The following SSBP3 variants were observed in gnomAD, a reference collection of about 807,000 sequenced individuals.
SSBP3 encodes single-stranded DNA-binding protein 3.
Under a neutral mutation model 69.6 loss-of-function variants are expected in SSBP3, and 5 were observed. The ratio of observed to expected loss-of-function variants is 0.07; its 90% CI spans 0.04 to 0.15. The LOEUF (loss-of-function observed/expected upper bound fraction) is 0.15, where lower values mean the gene tolerates loss of function less well. Among genes scored for constraint, SSBP3 ranks in the 10% least tolerant of loss-of-function variants. The probability of loss-of-function intolerance (pLI) is 1.00; values close to 1 mark genes in which losing one functional copy is unlikely to be tolerated. For synonymous variants in SSBP3, 196 were observed against 193.4 expected (o/e 1.01, Z -0.11); for missense variants, 312 against 534.0 (o/e 0.58, Z 4.10).
chr1:54,295,964 T>C (rs192077201), intron 4 of SSBP3, among the ~76,000 whole-genome samples: 1 of 152,366 alleles, frequency 6.6e-6, no homozygotes, highest in East Asian at 1.9e-4. Flanking sequence ...TAGACAAAGG[T>C]TATCTCCCTG....
chr1:54,230,175 C>T (rs1414240916), intron 14 of SSBP3, among the ~76,000 whole-genome samples: 1 of 152,148 alleles, frequency 6.6e-6, no homozygotes, highest in African/African-American at 2.4e-5. Context: ...GCTGCTTCCC[C>T]GTGCCCACCC....
chr1:54,273,704 C>T (rs995278078), intron 5 of SSBP3, among the ~76,000 whole-genome samples: 2 of 152,228 alleles, frequency 1.3e-5, no homozygotes, highest in African/African-American at 2.4e-5. Flanking sequence ...GACAGAGGAG[C>T]AAGCTAAGGC....
chr1:54,306,164 TC>T (rs1557515682), intron 4 of SSBP3, among the ~76,000 whole-genome samples: 1 of 151,546 alleles, frequency 6.6e-6, no homozygotes, highest in Non-Finnish European at 1.5e-5. Context: ...CTATCCCCTA[TC>T]CCCCAGGATC....
At chr1:54,331,145 G>A (rs1421606818) in intron 4 of SSBP3, among the ~76,000 whole-genome samples, 1 of 152,110 alleles carries the variant, frequency 6.6e-6, no homozygotes. Context: ...AATAACCTCC[G>A]CATGTAACGT....
chr1:54,375,023 T>C (rs993521593), intron 4 of SSBP3, among the ~76,000 whole-genome samples: 2 of 152,082 alleles, frequency 1.3e-5, no homozygotes, highest in Non-Finnish European at 2.9e-5. Flanking sequence ...AACCTTATCC[T>C]GGGGCAAGCC....
At chr1:54,345,368 C>A (rs1019319964) in intron 4 of SSBP3, among the ~76,000 whole-genome samples, 5 of 152,080 alleles carry the variant, frequency 3.3e-5, no homozygotes, top group South Asian at 2.1e-4. Context: ...CACCAAGAGC[C>A]GCACTCTAAA....
chr1:54,317,020 T>C (rs1646126866), intron 4 of SSBP3, among the ~76,000 whole-genome samples: 1 of 152,162 alleles, frequency 6.6e-6, no homozygotes, highest in Non-Finnish European at 1.5e-5. Context: ...CTTTCACTAC[T>C]ATCACACTGA....
At chr1:54,257,389 C>T in intron 6 of SSBP3, 1 of 518,898 alleles carries the variant, frequency 1.9e-6, no homozygotes. Context: ...TGTCTCTTGA[C>T]TCCACATTTG....
At chr1:54,365,851 G>A (rs547923597) in intron 4 of SSBP3, among the ~76,000 whole-genome samples, 1 of 152,326 alleles carries the variant, frequency 6.6e-6, no homozygotes, top group South Asian at 2.1e-4. Flanking sequence ...ACTGACTCTA[G>A]AAGAACTAGT....
intron 4 of SSBP3, among the ~76,000 whole-genome samples, chr1:54,390,420 G>A (rs1322649953): frequency 1.3e-5 from 2 of 151,998 alleles, no homozygotes; most frequent in Non-Finnish European, 2.9e-5. Flanking sequence ...TGAAGAAGAC[G>A]CTGCCAGCAA....
chr1:54,392,299 T>C (rs1256750047), intron 4 of SSBP3, among the ~76,000 whole-genome samples: 3 of 152,216 alleles, frequency 2.0e-5, no homozygotes, highest in African/African-American at 7.2e-5. Context: ...GGCTCAGCAA[T>C]TGCTTGTCTC....
chr1:54,235,448 A>ATTTTTTTTTTTTTTTTTT lies in SSBP3; in HGVS notation c.927+3663_927+3680dup, dbSNP rs71580002. Among the ~76,000 whole-genome samples the ATTTTTTTTTTTTTTTTTT allele has an allele frequency of 2.1e-4, 15 of 69,922 alleles. 1 individual carries two copies. The highest frequency in any genetic ancestry group is 6.6e-4 in the African/African-American group (10 of 15,244). 45.9% of individuals were successfully genotyped at this position (69,922 alleles called of 152,430 possible). A position where few individuals can be genotyped will look rare whatever the true frequency, so the allele number is the denominator to read the frequency against. On this transcript the variant is annotated intron_variant, in intron 14 of 17. Coordinates refer to ENST00000610401, the Ensembl canonical transcript of SSBP3. Reference sequence around the variant, plus strand: ...AGGCGTGTACCACCATGCCCGGCTGATTTTTTTTTTTTTTTTTTTTTTTTT... The same window carrying ATTTTTTTTTTTTTTTTTT: ...AGGCGTGTACCACCATGCCCGGCTGATTTTTTTTTTTTTTTTTTTTTTTTTTTTTTTTTTTTTTTTTTT...
rs1198705601 is a variant in SSBP3 at position 54,373,783 on chromosome 1, A to C, written c.276+28078T>G. 3.3e-5 allele frequency among the ~76,000 whole-genome samples: 5 copies of C among 150,966 alleles called. No individual in the cohort carries two copies. In the Admixed American group the frequency reaches 3.3e-4, roughly 10 times the overall value. On this transcript the variant is annotated intron_variant, in intron 4 of 17. Transcript: ENST00000610401. ...CCCTGTTTCAAGAAAAAAAAAAAAA[A>C]AAACAGGAATGCCTCTCGGCACACC...
rs75834772 is a variant in SSBP3 at position 54,377,517 on chromosome 1, G to C, written c.276+24344C>G. Among the ~76,000 whole-genome samples, 152 of 152,320 alleles carry C rather than the reference G, an allele frequency of 1.0e-3. 1 individual carries two copies. Among genetic ancestry groups the C allele is most frequent in the African/African-American group, 3.5e-3 (144 of 41,556 alleles). On this transcript the variant is annotated intron_variant, in intron 4 of 17. Coordinates refer to ENST00000610401, the Ensembl canonical transcript of SSBP3. ...CTTGAGGTAGGACGCCAGCAGCCAG[G>C]CTCTTAACACTCAGGAAGGGTGGTG... is the stretch of plus-strand genomic sequence containing the variant.
chr1:54,350,737 G>C (rs1189443434), intron 4 of SSBP3, among the ~76,000 whole-genome samples: 1 of 152,124 alleles, frequency 6.6e-6, no homozygotes, highest in African/African-American at 2.4e-5. Context: ...AGCAGCCCAG[G>C]GACAGGCAGG....
At chr1:54,282,738 A>T (rs1164681716) in intron 4 of SSBP3, among the ~76,000 whole-genome samples, 1 of 152,164 alleles carries the variant, frequency 6.6e-6, no homozygotes, top group Non-Finnish European at 1.5e-5. Context: ...CACTGATTCT[A>T]GGCCTTCAGG....
intron 4 of SSBP3, among the ~76,000 whole-genome samples, chr1:54,370,358 T>A (rs1253186229): frequency 6.6e-6 from 1 of 152,208 alleles, no homozygotes; most frequent in Admixed American, 6.5e-5. Flanking sequence ...TGCTATTCGA[T>A]TGATAATGGC....
chr1:54,327,800 A>C (rs1389518722), intron 4 of SSBP3, among the ~76,000 whole-genome samples: 1 of 152,168 alleles, frequency 6.6e-6, no homozygotes, highest in Non-Finnish European at 1.5e-5. Flanking sequence ...ACTGTGGGCT[A>C]CACTCATCTG....
At chr1:54,339,508 C>T (rs1362566104) in intron 4 of SSBP3, among the ~76,000 whole-genome samples, 1 of 151,988 alleles carries the variant, frequency 6.6e-6, no homozygotes, top group Non-Finnish European at 1.5e-5. Flanking sequence ...CAGGCTCTTG[C>T]GGAGTTCATG....
Sources: gnomAD v4.1 joint callset for allele counts (sites outside exome capture counted in the v4.1 genomes callset) on GRCh38, gnomAD v4.1.1 for gene constraint, MANE v1.5 for transcripts, NCBI Gene and HGNC (gene_info 2026-07-23, HGNC 2026-07-21) for gene names.